Variants in CAPZB observed in about 807,000 individuals in gnomAD.
CAPZB encodes F-actin-capping protein subunit beta.
A neutral mutation model predicts 38.1 loss-of-function variants in CAPZB; 2 were observed. That is an observed-to-expected ratio of 0.05 (90% CI 0.02 to 0.17). CAPZB has a LOEUF of 0.17. CAPZB is among the 10% of genes least tolerant of loss of function. The probability of loss-of-function intolerance (pLI) is 1.00; values close to 1 mark genes in which losing one functional copy is unlikely to be tolerated. For missense variants in CAPZB, 161 were observed against 334.2 expected, an observed-to-expected ratio of 0.48 and a Z score of 4.04; for synonymous variants, 107 against 127.4, an observed-to-expected ratio of 0.84 and a Z score of 1.08.
intron 2 of CAPZB, among the ~76,000 whole-genome samples, chr1:19,393,443 G>T (rs1461040471): frequency 6.6e-6 from 1 of 152,204 alleles, no homozygotes; most frequent in Admixed American, 6.5e-5. Context: ...CACCTATTCG[G>T]AGGCAGGATT....
At chr1:19,474,110 C>A (rs919645866) in intron 1 of CAPZB, among the ~76,000 whole-genome samples, 2 of 152,126 alleles carry the variant, frequency 1.3e-5, no homozygotes, top group East Asian at 3.9e-4. Context: ...ATCCTCCCAC[C>A]TCAGCCTCCC....
chr1:19,457,755 G>A (rs972277827), intron 1 of CAPZB, among the ~76,000 whole-genome samples: 1 of 152,046 alleles, frequency 6.6e-6, no homozygotes, highest in African/African-American at 2.4e-5. Flanking sequence ...GTCAAGAGCT[G>A]TAAAAGTGTT....
rs74941542 is a variant in CAPZB, at chr1:19,385,721, C to A, written c.94-95G>T. 526 of 1,469,900 alleles carry A rather than the reference C, an allele frequency of 3.6e-4. 3 individuals carry two copies. The African/African-American group carries it at 6.8e-3, about 19-fold the overall frequency. 91.1% of individuals were successfully genotyped at this position (1,469,900 alleles called of 1,614,324 possible). ...ACTGCAGCCATATTGTGGTCAGTAC[C>A]TTTAACATCTGGCCCTGGGCACTGA... On this transcript the variant is annotated intron_variant, in intron 2 of 8. Coordinates refer to ENST00000264202, the MANE Select transcript of CAPZB (RefSeq NM_004930.5).
At chr1:19,428,752 C>G (rs1204334339) in intron 1 of CAPZB, among the ~76,000 whole-genome samples, 1 of 152,126 alleles carries the variant, frequency 6.6e-6, no homozygotes, top group East Asian at 1.9e-4. Context: ...GCCCCGAGCC[C>G]TTCTCCCCCG....
intron 1 of CAPZB, among the ~76,000 whole-genome samples, chr1:19,420,699 G>A (rs912629090): frequency 6.6e-6 from 1 of 152,074 alleles, no homozygotes; most frequent in Non-Finnish European, 1.5e-5. Context: ...CCAAAGTGCC[G>A]GGATTACAAG....
intron 1 of CAPZB, among the ~76,000 whole-genome samples, chr1:19,453,288 G>A (rs1267484778): frequency 6.6e-6 from 1 of 152,000 alleles, no homozygotes; most frequent in Non-Finnish European, 1.5e-5. Context: ...TTGAGTTGGG[G>A]TCTCACTTTG....
chr1:19,391,829 A>AGAGATG (rs1420697474), intron 2 of CAPZB, among the ~76,000 whole-genome samples: 2 of 152,224 alleles, frequency 1.3e-5, no homozygotes, highest in Non-Finnish European at 2.9e-5. Context: ...CAGCACGGGA[A>AGAGATG]GAGATGGACA....
intron 2 of CAPZB, among the ~76,000 whole-genome samples, chr1:19,395,238 T>G (rs1039269128): frequency 6.6e-6 from 1 of 152,186 alleles, no homozygotes; most frequent in Non-Finnish European, 1.5e-5. Context: ...TTAATACAAC[T>G]GAGGCTGGCC....
At chr1:19,484,133 T>C in intron 1 of CAPZB, 1 of 1,566,224 alleles carries the variant, frequency 6.4e-7, no homozygotes, top group South Asian at 1.2e-5. Context: ...ATCTGCCTTC[T>C]TTACCAAAAC....
In CAPZB at chr1:19,349,492, A is replaced by C. The variant is rs2093980197; in HGVS notation, c.589-4240T>G. 2.0e-5 allele frequency among the ~76,000 whole-genome samples: 3 copies of C among 152,140 alleles called. No individual in the cohort carries two copies. In the South Asian group the frequency reaches 6.2e-4, roughly 32 times the overall value. On this transcript the variant is annotated intron_variant, in intron 6 of 8. Transcript: ENST00000264202. The stretch of plus-strand genomic sequence containing the variant: ...AAATGGGCACCAACAGCCCAAAGAG[A>C]GGCCGCGGCCATCGGCAAAGGTCCT...
chr1:19,358,705 C>T (rs1000275067), intron 4 of CAPZB, among the ~76,000 whole-genome samples: 2 of 152,226 alleles, frequency 1.3e-5, no homozygotes, highest in African/African-American at 4.8e-5. Context: ...GCCTCTCCGA[C>T]CCCAATTAAG....
Position 19,397,539 on chromosome 1 carries a change from A to G in CAPZB, c.94-11913T>C, listed in dbSNP as rs183557983. 3.2e-3 allele frequency among the ~76,000 whole-genome samples: 488 copies of G among 152,334 alleles called. 2 individuals carry two copies. Among genetic ancestry groups the G allele is most frequent in the African/African-American group, 0.011 (443 of 41,584 alleles). On this transcript the variant is annotated intron_variant, in intron 2 of 8. Transcript: ENST00000264202. The stretch of plus-strand genomic sequence containing the variant: ...GCAGGCAAAATAATTCAGCTGAAAG[A>G]GTCACCAGCTGGATGGTGGCAGAGA...
chr1:19,422,254 G>C (rs2094404060), intron 1 of CAPZB, among the ~76,000 whole-genome samples: 1 of 152,054 alleles, frequency 6.6e-6, no homozygotes, highest in African/African-American at 2.4e-5. Flanking sequence ...ACATCTAATG[G>C]GTAGGGGCCA....
chr1:19,470,328 TG>T (rs2094582880), intron 1 of CAPZB, among the ~76,000 whole-genome samples: 2 of 152,244 alleles, frequency 1.3e-5, no homozygotes, highest in African/African-American at 4.8e-5. Flanking sequence ...CCTGTCCCTA[TG>T]TACCCCATAA....
intron 4 of CAPZB, among the ~76,000 whole-genome samples, chr1:19,366,293 T>A (rs200084626): frequency 1.3e-4 from 9 of 68,920 alleles, no homozygotes; most frequent in Non-Finnish European, 3.0e-4. Flanking sequence ...AATATATATA[T>A]ATATATATAT....
chr1:19,391,834 T>C (rs1333061137), intron 2 of CAPZB, among the ~76,000 whole-genome samples: 1 of 152,084 alleles, frequency 6.6e-6, no homozygotes, highest in Non-Finnish European at 1.5e-5. Flanking sequence ...CGGGAAGAGA[T>C]GGACATGGGC....
intron 1 of CAPZB, among the ~76,000 whole-genome samples, chr1:19,472,976 C>CA (rs1468625572): frequency 2.0e-5 from 3 of 152,232 alleles, no homozygotes; most frequent in African/African-American, 7.2e-5. Flanking sequence ...CTCGGCCTCC[C>CA]AAAGTGCTGG....
At chr1:19,367,468 G>A (rs374796375) in intron 4 of CAPZB, among the ~76,000 whole-genome samples, 25 of 152,318 alleles carry the variant, frequency 1.6e-4, no homozygotes, top group African/African-American at 6.0e-4. Context: ...GAGCGGTTCC[G>A]TACCCACTGG....
chr1:19,376,406 G>A (rs1178180293), intron 4 of CAPZB, among the ~76,000 whole-genome samples: 1 of 152,188 alleles, frequency 6.6e-6, no homozygotes, highest in Non-Finnish European at 1.5e-5. Flanking sequence ...ACATATAAAA[G>A]GGGCCAATTT....
Sources: gnomAD v4.1 joint callset for allele counts (sites outside exome capture counted in the v4.1 genomes callset) on GRCh38, gnomAD v4.1.1 for gene constraint, MANE v1.5 for transcripts, NCBI Gene and HGNC (gene_info 2026-07-23, HGNC 2026-07-21) for gene names.